PHKB: variants seen among roughly 807,000 people sequenced by gnomAD.
PHKB encodes the protein phosphorylase kinase regulatory subunit beta.
PHKB carries 122 observed loss-of-function variants against 152.1 expected under a neutral mutation model. The observed-to-expected ratio is 0.80, with a 90% CI of 0.69 to 0.93. The LOEUF (loss-of-function observed/expected upper bound fraction) is 0.93, where lower values mean the gene tolerates loss of function less well. PHKB is among the 40% of genes least tolerant of loss of function. The pLI, the probability that PHKB is intolerant of heterozygous loss-of-function variation, is 0.00. For missense variants in PHKB, 1,304 were observed against 1,328.4 expected (o/e 0.98, Z 0.29); for synonymous variants, 436 against 464.9 (o/e 0.94, Z 0.80).
At chr16:47,483,163 C>T (rs566528203) in intron 1 of PHKB, among the ~76,000 whole-genome samples, 6 of 151,462 alleles carry the variant, frequency 4.0e-5, no homozygotes, top group Admixed American at 1.3e-4. Flanking sequence ...CTCAGCCTCC[C>T]GAGTAGCTGG....
intron 7 of PHKB, among the ~76,000 whole-genome samples, chr16:47,558,224 G>T (rs1399452719): frequency 1.6e-5 from 2 of 124,222 alleles, no homozygotes; most frequent in Non-Finnish European, 3.2e-5. Flanking sequence ...TCACTCTGGG[G>T]ACTGTTGTGG....
chr16:47,585,931 A>T (rs1971927104), intron 8 of PHKB, among the ~76,000 whole-genome samples: 1 of 152,194 alleles, frequency 6.6e-6, no homozygotes, highest in Non-Finnish European at 1.5e-5. Flanking sequence ...TTGGTATGCA[A>T]TTAACTTTAT....
intron 14 of PHKB, among the ~76,000 whole-genome samples, chr16:47,613,252 A>G (rs903214154): frequency 6.6e-6 from 1 of 152,214 alleles, no homozygotes; most frequent in East Asian, 1.9e-4. Context: ...AGGAAAAGGC[A>G]TGGGGCAAGT....
chr16:47,683,112 C>A (rs910124467), intron 26 of PHKB, among the ~76,000 whole-genome samples: 1 of 152,146 alleles, frequency 6.6e-6, no homozygotes, highest in Non-Finnish European at 1.5e-5. Context: ...GCTGCCTGAT[C>A]GTTCCTCTGG....
chr16:47,560,475 G>A (rs998038682), intron 7 of PHKB, among the ~76,000 whole-genome samples: 3 of 152,138 alleles, frequency 2.0e-5, no homozygotes, highest in African/African-American at 4.8e-5. Flanking sequence ...AAACAACCTC[G>A]AAAAAGAACA....
chr16:47,524,013 G>A (rs543707300), intron 6 of PHKB, among the ~76,000 whole-genome samples: 206 of 152,264 alleles, frequency 1.4e-3, no homozygotes, highest in Admixed American at 3.1e-3. Flanking sequence ...CAGAGTTGGG[G>A]AGAAGGGTTG....
Position 47,669,404 on chromosome 16 carries a change from A to G in PHKB, c.2617A>G (p.Lys873Glu). 6.2e-7 allele frequency: 1 copy of G among 1,614,078 alleles called. No homozygotes were observed. The highest frequency in any genetic ancestry group is 8.5e-7 in the Non-Finnish European group (1 of 1,179,930). Residue 873 changes from lysine to glutamate, a missense_variant, in exon 26 of 31, where the codon AAA becomes GAA. Physicochemically the swap from Lys to Glu is moderately conservative, Grantham distance 56. Coordinates refer to ENST00000323584, the MANE Select transcript of PHKB (RefSeq NM_000293.3). The stretch of plus-strand genomic sequence containing the variant: ...CCCTGAGTTATTCAGTGGCATGCTG[A>G]AAATACGAATCGGGTGAGTGAAGTC... ...NNPELFSGML[K>E]IRIGWIIHAM... is the part of the protein sequence containing the mutation.
At chr16:47,489,164 G>A (rs995655171) in intron 1 of PHKB, among the ~76,000 whole-genome samples, 4 of 152,052 alleles carry the variant, frequency 2.6e-5, no homozygotes, top group African/African-American at 9.7e-5. Context: ...GATTCTCCCT[G>A]CCTCAGCCTC....
intron 15 of PHKB, among the ~76,000 whole-genome samples, chr16:47,641,358 C>T (rs1028807195): frequency 2.0e-5 from 3 of 152,160 alleles, no homozygotes; most frequent in Admixed American, 1.3e-4. Flanking sequence ...TTCATGCAAA[C>T]ACATGGGGAT....
At chr16:47,547,158 G>T (rs147748552) in intron 6 of PHKB, among the ~76,000 whole-genome samples, 1,604 of 152,252 alleles carry the variant, frequency 0.011, 27 homozygotes, top group African/African-American at 0.037. Flanking sequence ...ATCTCAGTTG[G>T]AAATGCAGAA....
chr16:47,488,643 A>G (rs1970091561), intron 1 of PHKB, among the ~76,000 whole-genome samples: 1 of 152,224 alleles, frequency 6.6e-6, no homozygotes, highest in African/African-American at 2.4e-5. Flanking sequence ...AAAGGGATCC[A>G]GTTTCAATCT....
chr16:47,577,648 GT>G (rs957974459), intron 7 of PHKB, among the ~76,000 whole-genome samples: 3 of 152,004 alleles, frequency 2.0e-5, no homozygotes, highest in African/African-American at 7.2e-5. Context: ...TGAGTGGGTA[GT>G]TTTTTTCTTT....
chr16:47,544,345 A>G (rs1971119494), intron 6 of PHKB, among the ~76,000 whole-genome samples: 1 of 152,092 alleles, frequency 6.6e-6, no homozygotes, highest in Non-Finnish European at 1.5e-5. Context: ...TTCGTTATGT[A>G]CCCAGTAGTC....
chr16:47,642,649 G>A (rs752522911), intron 16 of PHKB, among the ~76,000 whole-genome samples: 14 of 152,170 alleles, frequency 9.2e-5, no homozygotes, highest in Non-Finnish European at 1.9e-4. Context: ...TTAGAGAAGA[G>A]AGGTACATGT....
At chr16:47,571,766 G>C (rs1003545477) in intron 7 of PHKB, among the ~76,000 whole-genome samples, 4 of 152,188 alleles carry the variant, frequency 2.6e-5, no homozygotes, top group African/African-American at 9.7e-5. Flanking sequence ...CACTGCTAGA[G>C]TAGAACCTTA....
intron 22 of PHKB, among the ~76,000 whole-genome samples, 200 bp downstream of exon 22, chr16:47,661,019 A>G (rs929103629): frequency 6.6e-6 from 1 of 152,220 alleles, no homozygotes. Context: ...AAAATGCTTA[A>G]GAAGTGCAGG....
rs529805038 is a variant in PHKB, at chr16:47,634,406, C to G, written c.1459-6629C>G. On this transcript the variant is annotated intron_variant, in intron 14 of 30. Coordinates refer to ENST00000323584, the MANE Select transcript of PHKB (RefSeq NM_000293.3). ...AAATAGTAAGGATGCCTACTATGTT[C>G]CATGTGTGGGGAGGTGGCAGTAGAC... 2.3e-4 allele frequency among the ~76,000 whole-genome samples: 35 copies of G among 152,320 alleles called. No homozygotes were observed. The Middle Eastern group carries it at 0.014, about 59-fold the overall frequency.
intron 10 of PHKB, among the ~76,000 whole-genome samples, chr16:47,591,976 C>T (rs376598081): frequency 2.0e-5 from 3 of 152,256 alleles, no homozygotes. Context: ...AGACATTTGA[C>T]AATGTCTGCA....
At chr16:47,524,208 C>T (rs1355829230) in intron 6 of PHKB, among the ~76,000 whole-genome samples, 1 of 152,084 alleles carries the variant, frequency 6.6e-6, no homozygotes, top group Non-Finnish European at 1.5e-5. Flanking sequence ...GAGGCCTTTC[C>T]TCTGCTGTTC....
Sources: allele counts gnomAD v4.1 joint callset (sites outside exome capture counted in the v4.1 genomes callset), GRCh38; gene constraint gnomAD v4.1.1; transcripts MANE v1.5; gene names NCBI Gene and HGNC (gene_info 2026-07-23, HGNC 2026-07-21).